Variants in CEP128 observed in about 807,000 individuals in gnomAD.
CEP128 encodes centrosomal protein 128, also known as centrosomal protein 128kDa.
A neutral mutation model predicts 156.7 loss-of-function variants in CEP128; 132 were observed. The observed-to-expected ratio is 0.84, with a 90% confidence interval of 0.73 to 0.97. CEP128 has a LOEUF of 0.97. CEP128 is among the 50% of genes least tolerant of loss of function. The pLI is 0.00. For missense variants in CEP128, 1,252 were observed against 1,281.9 expected (o/e 0.98, Z 0.36); for synonymous variants, 469 against 448.9 (o/e 1.04, Z -0.57).
intron 14 of CEP128, among the ~76,000 whole-genome samples, chr14:80,485,258 C>A (rs1162077623): frequency 1.3e-5 from 2 of 152,112 alleles, no homozygotes; most frequent in Admixed American, 1.3e-4. Flanking sequence ...CAAGAAGAAT[C>A]ATTTTGCGGT....
intron 19 of CEP128, 84 bp from the exon 20 acceptor site, chr14:80,580,507 C>A: frequency 1.3e-6 from 1 of 765,720 alleles, no homozygotes; most frequent in South Asian, 1.6e-5. Context: ...CAGCCAGTAG[C>A]TTGTATAAAC....
chr14:80,907,571 C>G (rs768505155), intron 4 of CEP128, among the ~76,000 whole-genome samples: 1 of 149,642 alleles, frequency 6.7e-6, no homozygotes, highest in African/African-American at 2.5e-5. Flanking sequence ...GGCAGGAGAA[C>G]TGCTTGAACC....
At chr14:80,677,727 G>A (rs938031740) in intron 19 of CEP128, among the ~76,000 whole-genome samples, 1 of 151,834 alleles carries the variant, frequency 6.6e-6, no homozygotes, top group Admixed American at 6.6e-5. Context: ...CTAGTGAAAA[G>A]GGACTGATCT....
chr14:80,903,653 CGAA>C (rs1883709654), intron 6 of CEP128, among the ~76,000 whole-genome samples: 1 of 140,906 alleles, frequency 7.1e-6, no homozygotes. Context: ...AACTCAATAG[CGAA>C]AAAAAAAAAA....
chr14:80,729,048 G>A lies in CEP128; in HGVS notation c.2806+14027C>T, dbSNP rs910839147. Among the ~76,000 whole-genome samples, 4 of 121,388 alleles carry A rather than the reference G, an allele frequency of 3.3e-5. 1 individual carries two copies. In the East Asian group the frequency reaches 1.5e-3, roughly 46 times the overall value. 79.6% of individuals were successfully genotyped at this position (121,388 alleles called of 152,430 possible). A position where few individuals can be genotyped will look rare whatever the true frequency, so the allele number is the denominator to read the frequency against. On this transcript the variant is annotated intron_variant, in intron 19 of 24. Transcript: ENST00000555265. Reference sequence around the variant, plus strand: ...CAAGTTCTGCCCTAGTCCCAGGCTGGGCTGGTGGGGGTGTGTGTGTGTGTG... The same window carrying A: ...CAAGTTCTGCCCTAGTCCCAGGCTGAGCTGGTGGGGGTGTGTGTGTGTGTG...
chr14:80,617,501 C>T (rs190449038), intron 19 of CEP128, among the ~76,000 whole-genome samples: 59 of 152,144 alleles, frequency 3.9e-4, no homozygotes, highest in African/African-American at 1.2e-3. Context: ...TCCCAAAGTG[C>T]TGGGATTACA....
chr14:80,535,946 C>T (rs1414682539), intron 21 of CEP128, among the ~76,000 whole-genome samples: 1 of 152,196 alleles, frequency 6.6e-6, no homozygotes, highest in Non-Finnish European at 1.5e-5. Context: ...GAAATCTTGT[C>T]TAATAGGCCC....
At chr14:80,679,177 TG>T (rs1467212795) in intron 19 of CEP128, among the ~76,000 whole-genome samples, 4 of 152,178 alleles carry the variant, frequency 2.6e-5, no homozygotes, top group Non-Finnish European at 5.9e-5. Flanking sequence ...AGAACATGTG[TG>T]TTTGAACAAT....
intron 21 of CEP128, among the ~76,000 whole-genome samples, chr14:80,554,134 CTCTAA>C (rs1315718181): frequency 6.6e-6 from 1 of 152,144 alleles, no homozygotes; most frequent in Non-Finnish European, 1.5e-5. Context: ...TTTTATTTCT[CTCTAA>C]TCTGTCACTA....
rs148912048 is a variant in CEP128 at position 80,848,940 on chromosome 14, C to A, written c.763-8172G>T. Among the ~76,000 whole-genome samples the A allele has an allele frequency of 1.4e-3, 210 of 151,764 alleles. 1 individual carries two copies. The highest frequency in any genetic ancestry group is 4.1e-3 in the African/African-American group (170 of 41,438). Reference sequence around the variant, plus strand: ...GTCTCAAAAAAAAAACAAAAGAAACCATTGAAGGGTCTTGAAGAAAGATGT... The same window carrying A: ...GTCTCAAAAAAAAAACAAAAGAAACAATTGAAGGGTCTTGAAGAAAGATGT... On this transcript the variant is annotated intron_variant, in intron 9 of 24. Coordinates refer to ENST00000555265, the MANE Select transcript of CEP128 (RefSeq NM_152446.5).
chr14:80,941,122 A>C (rs1419633653), intron 1 of CEP128, among the ~76,000 whole-genome samples: 1 of 152,190 alleles, frequency 6.6e-6, no homozygotes. Flanking sequence ...CGGGAAAGAG[A>C]GGTCACTAAT....
At chr14:80,695,528 C>A (rs1896861648) in intron 19 of CEP128, among the ~76,000 whole-genome samples, 2 of 151,770 alleles carry the variant, frequency 1.3e-5, no homozygotes, top group Non-Finnish European at 1.5e-5. Flanking sequence ...CTAGCCTGGC[C>A]AACATGGTGA....
intron 11 of CEP128, among the ~76,000 whole-genome samples, chr14:80,836,792 A>G (rs915745213): frequency 6.6e-6 from 1 of 152,202 alleles, no homozygotes; most frequent in African/African-American, 2.4e-5. Flanking sequence ...AATAAACTCT[A>G]AACTCCTTGA....
At chr14:80,626,603 C>A (rs187985351) in intron 19 of CEP128, among the ~76,000 whole-genome samples, 97 of 151,648 alleles carry the variant, frequency 6.4e-4, no homozygotes, top group African/African-American at 2.2e-3. Context: ...GGAACATAGA[C>A]AACCACTAGA....
At chr14:80,819,651 T>A (rs80176704) in intron 13 of CEP128, among the ~76,000 whole-genome samples, 305 of 152,244 alleles carry the variant, frequency 2.0e-3, no homozygotes, top group Admixed American at 5.2e-3. Flanking sequence ...CTTTGGGGAT[T>A]AGATTTGAAA....
At chr14:80,627,137 CAAG>C (rs1303924443) in intron 19 of CEP128, among the ~76,000 whole-genome samples, 1 of 152,112 alleles carries the variant, frequency 6.6e-6, no homozygotes, top group Non-Finnish European at 1.5e-5. Context: ...CTGATTTTTA[CAAG>C]AAGCAATATC....
At chr14:80,821,081 C>G (rs909730794) in intron 13 of CEP128, among the ~76,000 whole-genome samples, 1 of 152,086 alleles carries the variant, frequency 6.6e-6, no homozygotes, top group Non-Finnish European at 1.5e-5. Flanking sequence ...AATAAGTTAG[C>G]TTTACTTTTT....
At chr14:80,843,573 T>C (rs1886449135) in intron 9 of CEP128, among the ~76,000 whole-genome samples, 1 of 151,968 alleles carries the variant, frequency 6.6e-6, no homozygotes. Flanking sequence ...AACTAGAAAA[T>C]AGTTGTTCTT....
At chr14:80,621,204 G>A (rs1217015122) in intron 19 of CEP128, among the ~76,000 whole-genome samples, 1 of 152,264 alleles carries the variant, frequency 6.6e-6, no homozygotes, top group East Asian at 1.9e-4. Context: ...AGGCAAATAA[G>A]TTTAGCTAAG....
Sources: gnomAD v4.1 joint callset for allele counts (sites outside exome capture counted in the v4.1 genomes callset) on GRCh38, gnomAD v4.1.1 for gene constraint, MANE v1.5 for transcripts, NCBI Gene and HGNC (gene_info 2026-07-23, HGNC 2026-07-21) for gene names.